Variants in NR6A1 observed in about 807,000 individuals in gnomAD.
NR6A1 encodes retinoic acid receptor-related testis-associated receptor.
A neutral mutation model predicts 59.1 loss-of-function variants in NR6A1; 7 were observed. The observed-to-expected ratio is 0.12, with a 90% CI of 0.07 to 0.22. The LOEUF (loss-of-function observed/expected upper bound fraction) is 0.22. NR6A1 is among the 10% of genes least tolerant of loss of function. The pLI, the probability that NR6A1 is intolerant of heterozygous loss-of-function variation, is 1.00. For missense variants in NR6A1, 468 were observed against 611.6 expected, an observed-to-expected ratio of 0.77 and a Z score of 2.48; for synonymous variants, 243 against 236.1, an observed-to-expected ratio of 1.03 and a Z score of -0.27.
chr9:124,537,240 C>T (rs1421783144), intron 6 of NR6A1, among the ~76,000 whole-genome samples: 9 of 152,174 alleles, frequency 5.9e-5, no homozygotes, highest in African/African-American at 2.2e-4. Context: ...CAGGCGTGTG[C>T]CACCACACCC....
In NR6A1 at chr9:124,757,293, A is replaced by C. The variant is rs929029861; in HGVS notation, c.100+13727T>G. Among the ~76,000 whole-genome samples the C allele has an allele frequency of 2.6e-5, 4 of 152,128 alleles. No homozygotes were observed. In the South Asian group the frequency reaches 6.2e-4, roughly 24 times the overall value. ...TACTATTATAACACTGAAAAAATAA[A>C]ACCTATCTAAATGGCCAGCAATGAA... is the stretch of plus-strand genomic sequence containing the variant. On this transcript the variant is annotated intron_variant, in intron 1 of 9. Transcript: ENST00000487099.
At chr9:124,705,094 G>A (rs572908434) in intron 2 of NR6A1, among the ~76,000 whole-genome samples, 3 of 152,242 alleles carry the variant, frequency 2.0e-5, no homozygotes, top group South Asian at 4.1e-4. Flanking sequence ...TTATTTATAC[G>A]TATGTTGTTT....
chr9:124,656,056 T>TC (rs1837249115), intron 2 of NR6A1, among the ~76,000 whole-genome samples: 1 of 152,142 alleles, frequency 6.6e-6, no homozygotes, highest in Non-Finnish European at 1.5e-5. Flanking sequence ...CTCATGAATG[T>TC]CTTGGTGCCA....
Position 124,588,037 on chromosome 9 carries a change from C to T in NR6A1, c.143-33467G>A, listed in dbSNP as rs539322826. Among the ~76,000 whole-genome samples the T allele has an allele frequency of 1.1e-3, 175 of 152,284 alleles. 1 individual carries two copies. Among genetic ancestry groups the T allele is most frequent in the African/African-American group, 3.8e-3 (159 of 41,562 alleles). On this transcript the variant is annotated intron_variant, in intron 2 of 9. Transcript: ENST00000487099. ...ACTAGAACTCCTCTCTCCTCAGCTCCTCACAAGACATTTATCATTCTCCAA... is the reference window on the plus strand; with the variant it reads ...ACTAGAACTCCTCTCTCCTCAGCTCTTCACAAGACATTTATCATTCTCCAA...
intron 2 of NR6A1, among the ~76,000 whole-genome samples, chr9:124,691,328 G>T (rs971818016): frequency 2.0e-5 from 3 of 152,062 alleles, no homozygotes; most frequent in Non-Finnish European, 4.4e-5. Flanking sequence ...TTCTTTTAAC[G>T]TGTACCATTT....
chr9:124,753,686 C>T (rs958204500), intron 1 of NR6A1, among the ~76,000 whole-genome samples: 1 of 152,166 alleles, frequency 6.6e-6, no homozygotes, highest in African/African-American at 2.4e-5. Context: ...CTACTTGTTC[C>T]CTTCCCTTTT....
At chr9:124,748,881 GAACTT>G (rs1048162732) in intron 1 of NR6A1, among the ~76,000 whole-genome samples, 11 of 144,966 alleles carry the variant, frequency 7.6e-5, no homozygotes, top group African/African-American at 2.1e-4. Flanking sequence ...AAAAAAAAAA[GAACTT>G]AACAGGGCTG....
intron 2 of NR6A1, among the ~76,000 whole-genome samples, chr9:124,556,399 C>G (rs1180544139): frequency 1.3e-5 from 2 of 152,064 alleles, no homozygotes; most frequent in Non-Finnish European, 2.9e-5. Context: ...CCGATTCTCC[C>G]CTAGAGCTTC....
intron 2 of NR6A1, among the ~76,000 whole-genome samples, chr9:124,649,233 C>CAAAAAA (rs78432505): frequency 2.7e-4 from 11 of 41,424 alleles, no homozygotes; most frequent in East Asian, 6.7e-4. Context: ...GGTACTGGCA[C>CAAAAAA]AAAAAAAAAA....
chr9:124,747,843 C>A (rs1840379574), intron 1 of NR6A1, among the ~76,000 whole-genome samples: 2 of 152,166 alleles, frequency 1.3e-5, no homozygotes. Flanking sequence ...CATCTAATCA[C>A]CCTATAATCC....
chr9:124,536,078 CTCG>C lies in NR6A1; in HGVS notation c.876_878del (p.Asp292del). ...TCCAGGCAATCTGCCTAAAGAGCAGCTCGTCGGCCAGGCGGCAAAGCAGGGCAA... is the reference window on the plus strand; with the variant it reads ...TCCAGGCAATCTGCCTAAAGAGCAGCTCGGCCAGGCGGCAAAGCAGGGCAA... On this transcript the variant is annotated inframe_deletion, in exon 7 of 10. Transcript: ENST00000487099. The C allele has an allele frequency of 6.2e-7, 1 of 1,614,164 alleles. No homozygotes were observed. The highest frequency in any genetic ancestry group is 8.5e-7 in the Non-Finnish European group (1 of 1,180,018).
chr9:124,555,310 G>C (rs1268451162), intron 2 of NR6A1, among the ~76,000 whole-genome samples: 1 of 152,132 alleles, frequency 6.6e-6, no homozygotes, highest in Non-Finnish European at 1.5e-5. Flanking sequence ...GCAGGCACAC[G>C]ACAAAAAAGC....
chr9:124,647,724 CA>C (rs35591437), intron 2 of NR6A1, among the ~76,000 whole-genome samples: 9,167 of 55,858 alleles, frequency 0.16, 525 homozygotes, highest in African/African-American at 0.37. Context: ...GAGACCGTCT[CA>C]AAAAAAAAAA....
intron 1 of NR6A1, among the ~76,000 whole-genome samples, chr9:124,744,063 A>T (rs1840253828): frequency 6.6e-6 from 1 of 152,126 alleles, no homozygotes; most frequent in Admixed American, 6.6e-5. Flanking sequence ...CTCTACAACA[A>T]CAACAAAAAT....
chr9:124,641,984 C>G (rs1239092142), intron 2 of NR6A1, among the ~76,000 whole-genome samples: 1 of 152,118 alleles, frequency 6.6e-6, no homozygotes, highest in Non-Finnish European at 1.5e-5. Flanking sequence ...AATATAAGCT[C>G]AGGCTCTAAG....
Position 124,608,187 on chromosome 9 carries a change from G to A in NR6A1, c.143-53617C>T, listed in dbSNP as rs562676171. On this transcript the variant is annotated intron_variant, in intron 2 of 9. Transcript: ENST00000487099. ...TTTTACGTTTCAGGGTACATGTGCA[G>A]GTTTGTTACACAGGTAAATGTGTGC... Among the ~76,000 whole-genome samples, 42 of 152,304 alleles carry A rather than the reference G, an allele frequency of 2.8e-4. 1 individual carries two copies. The South Asian group carries it at 4.6e-3, about 17-fold the overall frequency.
Position 124,771,181 on chromosome 9 carries a change from C to T in NR6A1, c.-62G>A, listed in dbSNP as rs1280571606. The T allele has an allele frequency of 4.1e-6, 4 of 966,340 alleles. No homozygotes were observed. The highest frequency in any genetic ancestry group is 5.4e-6 in the Non-Finnish European group (4 of 745,274). The allele number at this position is 966,340 out of a possible 1,614,324, so 59.9% of individuals were successfully genotyped here. ...CCGCCATGACCGGCGCCCTAGTCGC[C>T]GTGGTCGTCGTCCGCCGAGGGGAGG... On this transcript the variant is annotated 5_prime_UTR_variant, in exon 1 of 10. Coordinates refer to ENST00000487099, the MANE Select transcript of NR6A1 (RefSeq NM_033334.4).
intron 2 of NR6A1, among the ~76,000 whole-genome samples, chr9:124,616,998 T>C (rs1433258876): frequency 6.6e-6 from 1 of 152,120 alleles, no homozygotes; most frequent in Admixed American, 6.6e-5. Context: ...ATACACATGT[T>C]CACAAAAATA....
At chr9:124,719,576 A>G (rs2131092231) in intron 2 of NR6A1, among the ~76,000 whole-genome samples, 1 of 152,254 alleles carries the variant, frequency 6.6e-6, no homozygotes, top group African/African-American at 2.4e-5. Flanking sequence ...TAAATGGGTA[A>G]AGGAGGCCAC....
Sources: allele counts gnomAD v4.1 joint callset (sites outside exome capture counted in the v4.1 genomes callset), GRCh38; gene constraint gnomAD v4.1.1; transcripts MANE v1.5; gene names NCBI Gene and HGNC (gene_info 2026-07-23, HGNC 2026-07-21).